SH3RF3: variants seen among roughly 807,000 people sequenced by gnomAD.
The protein encoded by SH3RF3 is E3 ubiquitin-protein ligase SH3RF3.
In SH3RF3, 29 loss-of-function variants were observed where a neutral mutation model predicts 66.3. The observed-to-expected ratio is 0.44, with a 90% CI of 0.33 to 0.60. The LOEUF (loss-of-function observed/expected upper bound fraction) is 0.60. Among genes scored for constraint, SH3RF3 ranks in the 20% least tolerant of loss-of-function variants. The pLI is 0.04. For missense variants in SH3RF3, 1,194 were observed against 1,190.9 expected (o/e 1.00, Z -0.04); for synonymous variants, 583 against 532.0 (o/e 1.10, Z -1.32).
intron 1 of SH3RF3, chr2:109,251,785 T>C: frequency 1.9e-6 from 1 of 524,446 alleles, no homozygotes; most frequent in Non-Finnish European, 3.4e-6. Flanking sequence ...AAAAAAAGAA[T>C]TAGATAATAC....
rs181345696 is a variant in SH3RF3 at position 109,501,950 on chromosome 2, C to G, written c.*279C>G. The G allele has an allele frequency of 5.1e-6, 2 of 391,546 alleles. No individual in the cohort carries two copies. Among genetic ancestry groups the G allele is most frequent in the Non-Finnish European group, 9.4e-6 (2 of 212,976 alleles). 24.3% of individuals were successfully genotyped at this position (391,546 alleles called of 1,614,324 possible). ...CACCTTGAGGAAGAGAGGCAGGTGCCGGCGCAGGCAGGCCTGTGGCTGTGG... is the reference window on the plus strand; with the variant it reads ...CACCTTGAGGAAGAGAGGCAGGTGCGGGCGCAGGCAGGCCTGTGGCTGTGG... On this transcript the variant is annotated 3_prime_UTR_variant, in exon 10 of 10. Coordinates refer to ENST00000309415, the MANE Select transcript of SH3RF3 (RefSeq NM_001099289.3).
chr2:109,201,901 C>T (rs572067205), intron 1 of SH3RF3, among the ~76,000 whole-genome samples: 11 of 152,304 alleles, frequency 7.2e-5, no homozygotes, highest in Admixed American at 1.3e-4. Context: ...GAGTCTGACA[C>T]ATCTGAAATC....
At chr2:109,404,919 C>T (rs1573225248) in intron 4 of SH3RF3, among the ~76,000 whole-genome samples, 1 of 152,156 alleles carries the variant, frequency 6.6e-6, no homozygotes, top group South Asian at 2.1e-4. Context: ...AACCTGTCCC[C>T]TTTGATCTGT....
At chr2:109,286,915 T>C (rs1010143828) in intron 1 of SH3RF3, among the ~76,000 whole-genome samples, 2 of 152,172 alleles carry the variant, frequency 1.3e-5, no homozygotes, top group Admixed American at 1.3e-4. Context: ...TGAGTCTGCA[T>C]CTGAAAAGAC....
chr2:109,189,171 C>T (rs1037930240), intron 1 of SH3RF3, among the ~76,000 whole-genome samples: 1 of 151,700 alleles, frequency 6.6e-6, no homozygotes, highest in African/African-American at 2.4e-5. Context: ...TGTGTTTCTT[C>T]GGGGATGGAA....
intron 9 of SH3RF3, among the ~76,000 whole-genome samples, 193 bp downstream of exon 9, chr2:109,491,129 T>C (rs1301592961): frequency 6.6e-6 from 1 of 152,176 alleles, no homozygotes; most frequent in African/African-American, 2.4e-5. Context: ...AACTGGAGTG[T>C]TATTTCATGT....
chr2:109,478,810 A>T (rs1485528512), intron 8 of SH3RF3, among the ~76,000 whole-genome samples: 1 of 152,170 alleles, frequency 6.6e-6, no homozygotes, highest in East Asian at 1.9e-4. Flanking sequence ...GTGAGAATGA[A>T]ACCCGCTCCA....
At chr2:109,273,083 A>G (rs1038200604) in intron 1 of SH3RF3, among the ~76,000 whole-genome samples, 1 of 152,252 alleles carries the variant, frequency 6.6e-6, no homozygotes, top group Non-Finnish European at 1.5e-5. Context: ...TTTACTGAGT[A>G]TTTCGGGTTG....
chr2:109,130,236 G>A (rs1676657234), intron 1 of SH3RF3, 123 bp downstream of exon 1: 13 of 940,348 alleles, frequency 1.4e-5, no homozygotes, highest in South Asian at 1.0e-4. Flanking sequence ...GGCCCACTCC[G>A]CTGTTGCTCT....
intron 8 of SH3RF3, among the ~76,000 whole-genome samples, chr2:109,481,596 C>T (rs1671385091): frequency 6.6e-6 from 1 of 152,116 alleles, no homozygotes; most frequent in African/African-American, 2.4e-5. Flanking sequence ...AATAGCTAAA[C>T]GTGCGCTTCA....
At chr2:109,392,436 A>G (rs1192365828) in intron 3 of SH3RF3, among the ~76,000 whole-genome samples, 2 of 152,232 alleles carry the variant, frequency 1.3e-5, no homozygotes, top group Admixed American at 1.3e-4. Context: ...CGTGGTGGAT[A>G]TAAGGGTCTG....
At chr2:109,246,362 G>C (rs1261923281) in intron 1 of SH3RF3, among the ~76,000 whole-genome samples, 1 of 152,142 alleles carries the variant, frequency 6.6e-6, no homozygotes, top group South Asian at 2.1e-4. Flanking sequence ...TGGTAGAGGG[G>C]GCAAGGCAAC....
At chr2:109,179,857 C>T (rs1047155341) in intron 1 of SH3RF3, among the ~76,000 whole-genome samples, 6 of 152,226 alleles carry the variant, frequency 3.9e-5, no homozygotes, top group Admixed American at 6.5e-5. Flanking sequence ...CACGCTGTCT[C>T]TTACCCCTCA....
intron 7 of SH3RF3, among the ~76,000 whole-genome samples, chr2:109,438,145 G>A (rs1046426792): frequency 3.3e-5 from 5 of 152,208 alleles, no homozygotes; most frequent in African/African-American, 9.6e-5. Context: ...GGAAAGAGGA[G>A]ACAACACTTA....
chr2:109,318,953 G>A (rs1681952593), intron 1 of SH3RF3, among the ~76,000 whole-genome samples: 1 of 152,236 alleles, frequency 6.6e-6, no homozygotes, highest in Admixed American at 6.5e-5. Context: ...TAACTTCCCT[G>A]AGAACATTTG....
chr2:109,206,512 AAAAG>A (rs1678842852), intron 1 of SH3RF3, among the ~76,000 whole-genome samples: 1 of 148,304 alleles, frequency 6.7e-6, no homozygotes, highest in Non-Finnish European at 1.5e-5. Context: ...AAAAAAAAAA[AAAAG>A]AATTAGAGGA....
At chr2:109,315,592 T>G (rs542811183) in intron 1 of SH3RF3, among the ~76,000 whole-genome samples, 2 of 152,250 alleles carry the variant, frequency 1.3e-5, no homozygotes, top group Non-Finnish European at 2.9e-5. Flanking sequence ...TGCAGAACTT[T>G]CAGAAACTGT....
Position 109,504,605 on chromosome 2 carries a change from G to A in SH3RF3, c.*2934G>A, listed in dbSNP as rs1679482361. On this transcript the variant is annotated 3_prime_UTR_variant, in exon 10 of 10. Coordinates refer to ENST00000309415, the MANE Select transcript of SH3RF3 (RefSeq NM_001099289.3). ...GACAAACCATGATGCCTGTGTTTCT[G>A]AGTCTTTAAATAAAAATGAACATGG... The A allele has an allele frequency of 6.6e-6, 1 of 152,270 alleles. No individual in the cohort carries two copies. Among genetic ancestry groups the A allele is most frequent in the Non-Finnish European group, 1.5e-5 (1 of 68,066 alleles). 9.4% of individuals were successfully genotyped at this position (152,270 alleles called of 1,614,324 possible).
intron 1 of SH3RF3, among the ~76,000 whole-genome samples, chr2:109,330,015 C>T (rs1682248916): frequency 6.6e-6 from 1 of 152,168 alleles, no homozygotes; most frequent in South Asian, 2.1e-4. Flanking sequence ...CAGAAAAAGT[C>T]AACATCCCTG....
Sources: allele counts gnomAD v4.1 joint callset (sites outside exome capture counted in the v4.1 genomes callset), GRCh38; gene constraint gnomAD v4.1.1; transcripts MANE v1.5; gene names NCBI Gene and HGNC (gene_info 2026-07-23, HGNC 2026-07-21).